Variants in CYP19A1 observed in about 807,000 individuals in gnomAD.
CYP19A1 encodes aromatase.
CYP19A1 carries 32 observed loss-of-function variants against 44.4 expected under a neutral mutation model. That is an observed-to-expected ratio of 0.72 (90% CI 0.54 to 0.97). The LOEUF (loss-of-function observed/expected upper bound fraction) is 0.97, where lower values mean the gene tolerates loss of function less well. CYP19A1 is among the 50% of genes least tolerant of loss of function. The probability of loss-of-function intolerance (pLI) is 0.00; values close to 1 mark genes in which losing one functional copy is unlikely to be tolerated. For synonymous variants in CYP19A1, 212 were observed against 215.6 expected, an observed-to-expected ratio of 0.98 and a Z score of 0.14; for missense variants, 598 against 637.8, an observed-to-expected ratio of 0.94 and a Z score of 0.67.
intron 1 of CYP19A1, among the ~76,000 whole-genome samples, chr15:51,263,714 A>G (rs1203307224): frequency 1.3e-5 from 2 of 152,218 alleles, no homozygotes; most frequent in African/African-American, 2.4e-5. Flanking sequence ...ACAGGAGCAA[A>G]TCCAATGGAC....
chr15:51,235,566 A>G (rs1164258181), intron 3 of CYP19A1, among the ~76,000 whole-genome samples: 1 of 152,232 alleles, frequency 6.6e-6, no homozygotes, highest in Non-Finnish European at 1.5e-5. Context: ...TGAATGAAAC[A>G]AACAAACAAA....
intron 1 of CYP19A1, among the ~76,000 whole-genome samples, chr15:51,264,268 GA>G (rs1233155583): frequency 2.0e-5 from 3 of 152,162 alleles, no homozygotes; most frequent in Non-Finnish European, 4.4e-5. Context: ...GTGCTGAGGT[GA>G]AAGGGCAAAT....
chr15:51,294,330 G>A (rs371107032), intron 1 of CYP19A1, among the ~76,000 whole-genome samples: 175 of 142,480 alleles, frequency 1.2e-3, no homozygotes, highest in Middle Eastern at 8.0e-3. Flanking sequence ...CCGCCGCCCC[G>A]TCTGGGATGT....
chr15:51,223,593 TCACACACA>T (rs5812545), intron 4 of CYP19A1, among the ~76,000 whole-genome samples: 11 of 90,214 alleles, frequency 1.2e-4, no homozygotes, highest in Non-Finnish European at 1.5e-4. Flanking sequence ...TCTCTCTCTC[TCACACACA>T]CACACACACA....
chr15:51,324,837 G>A (rs972949361), intron 1 of CYP19A1, among the ~76,000 whole-genome samples: 2 of 152,140 alleles, frequency 1.3e-5, no homozygotes, highest in African/African-American at 4.8e-5. Context: ...ATTCTGAGGT[G>A]GAAGTGATTT....
intron 6 of CYP19A1, among the ~76,000 whole-genome samples, chr15:51,216,469 T>C (rs2031588066): frequency 6.6e-6 from 1 of 152,152 alleles, no homozygotes; most frequent in East Asian, 1.9e-4. Context: ...GTCAGGTTGG[T>C]CTCAAACTCC....
Position 51,281,017 on chromosome 15 carries a change from A to G in CYP19A1, c.-38-38067T>C, listed in dbSNP as rs116833286. On this transcript the variant is annotated intron_variant, in intron 1 of 9. Transcript: ENST00000396402. ...GGCCCAGGCGCCCGTTACTGGGGAA[A>G]CCAGTGTTCCCTGATGCCACCCCCA... Among the ~76,000 whole-genome samples, 342 of 152,262 alleles carry G rather than the reference A, an allele frequency of 2.2e-3. 1 individual carries two copies. Among genetic ancestry groups the G allele is most frequent in the African/African-American group, 8.1e-3 (335 of 41,556 alleles).
chr15:51,316,907 C>A (rs1276302629), intron 1 of CYP19A1, among the ~76,000 whole-genome samples: 1 of 152,066 alleles, frequency 6.6e-6, no homozygotes, highest in Non-Finnish European at 1.5e-5. Context: ...GCATGCTTTG[C>A]CCTTTTCATC....
At position 51,227,846 on chromosome 15, in the gene CYP19A1, A is replaced by G; in HGVS notation, c.384T>C (p.His128=). 1 of 1,508,872 alleles carries G rather than the reference A, an allele frequency of 6.6e-7. No individual in the cohort carries two copies. The highest frequency in any genetic ancestry group is 2.3e-5 in the East Asian group (1 of 44,368). 93.5% of individuals were successfully genotyped at this position (1,508,872 alleles called of 1,614,324 possible). A position where few individuals can be genotyped will look rare whatever the true frequency, so the allele number is the denominator to read the frequency against. Residue 128 remains histidine, a synonymous_variant, in exon 4 of 10, where the codon CAT becomes CAC. Coordinates refer to ENST00000396402, the MANE Select transcript of CYP19A1 (RefSeq NM_000103.4). ...TGTTGTTAAATATGATGCCTTTCTC[A>G]TGCATACCGATGCACTGCAGCCCAA... The part of the protein sequence containing the change: ...SKLGLQCIGM[H]EKGIIFNNNP...
At chr15:51,330,608 G>A (rs929082800) in intron 1 of CYP19A1, among the ~76,000 whole-genome samples, 3 of 152,230 alleles carry the variant, frequency 2.0e-5, no homozygotes, top group Admixed American at 6.5e-5. Flanking sequence ...CAGAGGCCTC[G>A]GCAGTGGATA....
rs745979108 is a variant in CYP19A1, at chr15:51,242,838, G to A, written c.75C>T (p.Thr25=). 51 of 1,587,520 alleles carry A rather than the reference G, an allele frequency of 3.2e-5. 1 individual carries two copies. The South Asian group carries it at 5.6e-4, about 18-fold the overall frequency. Residue 25 remains threonine, a synonymous_variant, in exon 2 of 10, where the codon ACC becomes ACT. Coordinates refer to ENST00000396402, the MANE Select transcript of CYP19A1 (RefSeq NM_000103.4). ...GGCCAGTGAGGAGCAGGACTGGCAT[G>A]GTGGCAGCAGGCATGGCTTCAGGCA... ...SIVPEAMPAA[T]MPVLLLTGLF... is the part of the protein sequence containing the mutation.
At chr15:51,252,304 C>T (rs1046385655) in intron 1 of CYP19A1, among the ~76,000 whole-genome samples, 1 of 152,132 alleles carries the variant, frequency 6.6e-6, no homozygotes, top group Non-Finnish European at 1.5e-5. Context: ...ATCCCAGACC[C>T]CCTAAAGCCC....
intron 1 of CYP19A1, among the ~76,000 whole-genome samples, chr15:51,276,917 C>T (rs2035328758): frequency 6.6e-6 from 1 of 151,974 alleles, no homozygotes; most frequent in Non-Finnish European, 1.5e-5. Context: ...GACCCATTAC[C>T]AAGCTTTGTA....
intron 3 of CYP19A1, among the ~76,000 whole-genome samples, chr15:51,229,011 T>A (rs1450449570): frequency 6.6e-6 from 1 of 152,204 alleles, no homozygotes. Flanking sequence ...AGGATACTTT[T>A]GCCTTAATGA....
chr15:51,313,861 G>C (rs2036368389), intron 1 of CYP19A1, among the ~76,000 whole-genome samples: 1 of 152,036 alleles, frequency 6.6e-6, no homozygotes, highest in Non-Finnish European at 1.5e-5. Flanking sequence ...GGGGTGCGTG[G>C]TCTCAGTGTA....
chr15:51,294,115 C>T (rs867977976), intron 1 of CYP19A1, among the ~76,000 whole-genome samples: 3 of 136,136 alleles, frequency 2.2e-5, no homozygotes, highest in African/African-American at 3.3e-5. Context: ...AAGTGAGGAG[C>T]GTCTCTGCCC....
intron 1 of CYP19A1, among the ~76,000 whole-genome samples, chr15:51,315,404 C>G (rs2036406197): frequency 6.6e-6 from 1 of 152,102 alleles, no homozygotes; most frequent in African/African-American, 2.4e-5. Flanking sequence ...CTACCCCAGT[C>G]TACACCCAGA....
chr15:51,324,110 G>A (rs1473130936), intron 1 of CYP19A1, among the ~76,000 whole-genome samples: 1 of 152,162 alleles, frequency 6.6e-6, no homozygotes, highest in African/African-American at 2.4e-5. Context: ...AGACTGGGCA[G>A]TGTGATGACA....
intron 5 of CYP19A1, among the ~76,000 whole-genome samples, chr15:51,220,975 G>GT (rs34931824): frequency 0.12 from 17,245 of 143,936 alleles, 1,078 homozygotes; most frequent in Non-Finnish European, 0.13. Flanking sequence ...GCATGCACAT[G>GT]TTTTTTTTTT....
Sources: gnomAD v4.1 joint callset for allele counts (sites outside exome capture counted in the v4.1 genomes callset) on GRCh38, gnomAD v4.1.1 for gene constraint, MANE v1.5 for transcripts, NCBI Gene and HGNC (gene_info 2026-07-23, HGNC 2026-07-21) for gene names.